The following SLC9A9 variants were observed in gnomAD, a reference collection of about 807,000 sequenced individuals.
SLC9A9 encodes sodium/hydrogen exchanger 9.
SLC9A9 carries 62 observed loss-of-function variants against 77.8 expected under a neutral mutation model. That is an observed-to-expected ratio of 0.80 (90% CI 0.65 to 0.98). SLC9A9 has a LOEUF of 0.98. Ranked by LOEUF, SLC9A9 falls within the 50% of genes least tolerant of loss-of-function variation. The pLI is 0.00. For synonymous variants in SLC9A9, 320 were observed against 283.5 expected (o/e 1.13, Z -1.29); for missense variants, 775 against 774.9 (o/e 1.00, Z 0.00).
intron 13 of SLC9A9, among the ~76,000 whole-genome samples, chr3:143,373,605 TAAAAAAAAA>T (rs67376157): frequency 1.7e-5 from 1 of 58,624 alleles, no homozygotes; most frequent in Non-Finnish European, 3.1e-5. Flanking sequence ...ACTGAAATAG[TAAAAAAAAA>T]AAAAAAAAAA....
chr3:143,731,373 T>C (rs1323919151), intron 4 of SLC9A9, among the ~76,000 whole-genome samples: 1 of 152,192 alleles, frequency 6.6e-6, no homozygotes, highest in Non-Finnish European at 1.5e-5. Flanking sequence ...GAGTTTGAAC[T>C]CTACTGCTCC....
chr3:143,608,240 G>A (rs527462165), intron 6 of SLC9A9, among the ~76,000 whole-genome samples: 1 of 152,212 alleles, frequency 6.6e-6, no homozygotes, highest in East Asian at 1.9e-4. Flanking sequence ...CTCTACTGAG[G>A]GTGCTGAAAA....
At chr3:143,836,192 C>G (rs533968597) in intron 1 of SLC9A9, among the ~76,000 whole-genome samples, 1 of 152,374 alleles carries the variant, frequency 6.6e-6, no homozygotes, top group South Asian at 2.1e-4. Context: ...ACTCCTTCAT[C>G]TTTGCATTCT....
At chr3:143,274,291 A>G (rs896622632) in intron 14 of SLC9A9, among the ~76,000 whole-genome samples, 1 of 152,184 alleles carries the variant, frequency 6.6e-6, no homozygotes, top group Non-Finnish European at 1.5e-5. Context: ...ACACCCTTTC[A>G]TTGATATAGC....
At chr3:143,492,613 C>T (rs1262379909) in intron 11 of SLC9A9, among the ~76,000 whole-genome samples, 1 of 152,176 alleles carries the variant, frequency 6.6e-6, no homozygotes, top group Non-Finnish European at 1.5e-5. Context: ...TTCAAGAATA[C>T]ATTTGTTCTT....
intron 12 of SLC9A9, among the ~76,000 whole-genome samples, chr3:143,424,510 C>A (rs1163555644): frequency 6.6e-6 from 1 of 151,864 alleles, no homozygotes; most frequent in Non-Finnish European, 1.5e-5. Context: ...ATCTCCTGAC[C>A]TCATGATCCA....
chr3:143,516,285 A>G (rs2036201903), intron 9 of SLC9A9, among the ~76,000 whole-genome samples: 2 of 145,842 alleles, frequency 1.4e-5, no homozygotes, highest in Non-Finnish European at 1.5e-5. Flanking sequence ...TTGTCTTTTC[A>G]GTGAAACACT....
At chr3:143,777,387 A>G (rs1049134372) in intron 4 of SLC9A9, among the ~76,000 whole-genome samples, 1 of 152,026 alleles carries the variant, frequency 6.6e-6, no homozygotes, top group African/African-American at 2.4e-5. Context: ...TTTTATGAAA[A>G]ACTCCCTTCT....
chr3:143,725,061 A>C (rs1323948113), intron 4 of SLC9A9, among the ~76,000 whole-genome samples: 1 of 152,118 alleles, frequency 6.6e-6, no homozygotes, highest in Non-Finnish European at 1.5e-5. Context: ...TACATCCTCC[A>C]GACTTGAGTA....
chr3:143,704,186 A>G (rs932511938), intron 4 of SLC9A9, among the ~76,000 whole-genome samples: 26 of 152,222 alleles, frequency 1.7e-4, no homozygotes, highest in African/African-American at 6.3e-4. Context: ...ATTCTGAAAA[A>G]TAGAGGAGAA....
chr3:143,292,603 A>C (rs943027433), intron 14 of SLC9A9, among the ~76,000 whole-genome samples: 5 of 152,050 alleles, frequency 3.3e-5, no homozygotes, highest in African/African-American at 1.2e-4. Context: ...CTATAAAACG[A>C]GGTGTGTGGA....
intron 5 of SLC9A9, among the ~76,000 whole-genome samples, chr3:143,680,405 A>G (rs1933048816): frequency 6.6e-6 from 1 of 152,196 alleles, no homozygotes; most frequent in Non-Finnish European, 1.5e-5. Context: ...TACTCCATGA[A>G]AAAAATCTAG....
intron 4 of SLC9A9, among the ~76,000 whole-genome samples, chr3:143,769,705 C>T (rs773472218): frequency 6.6e-5 from 10 of 152,122 alleles, no homozygotes; most frequent in Non-Finnish European, 1.3e-4. Flanking sequence ...TGACCTGAAA[C>T]ATTAATATCC....
chr3:143,400,012 GATAAGGCATACT>G (rs1378511386), intron 12 of SLC9A9, among the ~76,000 whole-genome samples: 3 of 152,138 alleles, frequency 2.0e-5, no homozygotes, highest in Admixed American at 1.3e-4. Context: ...TGTAGTTCAT[GATAAGGCATACT>G]ATTACTTTAT....
chr3:143,427,025 TG>T (rs1332787831), intron 12 of SLC9A9, among the ~76,000 whole-genome samples: 4 of 152,356 alleles, frequency 2.6e-5, no homozygotes, highest in African/African-American at 9.6e-5. Flanking sequence ...TTATTGTGAC[TG>T]TTAAAGCAAG....
At chr3:143,415,422 T>C (rs1298871347) in intron 12 of SLC9A9, among the ~76,000 whole-genome samples, 1 of 152,204 alleles carries the variant, frequency 6.6e-6, no homozygotes, top group Non-Finnish European at 1.5e-5. Flanking sequence ...ATGCAGCCAG[T>C]GTCTTTAAGT....
intron 1 of SLC9A9, among the ~76,000 whole-genome samples, chr3:143,843,216 G>A (rs1348100076): frequency 6.6e-6 from 1 of 152,176 alleles, no homozygotes; most frequent in Non-Finnish European, 1.5e-5. Context: ...TGGCAGTCAG[G>A]GAGGCTGGGC....
chr3:143,613,871 G>A (rs2038061565), intron 6 of SLC9A9, among the ~76,000 whole-genome samples: 1 of 151,856 alleles, frequency 6.6e-6, no homozygotes, highest in Admixed American at 6.6e-5. Flanking sequence ...TCTTTCATAT[G>A]AAATTAAAAT....
chr3:143,389,975 G>A (rs2033519303), intron 12 of SLC9A9, among the ~76,000 whole-genome samples: 1 of 152,204 alleles, frequency 6.6e-6, no homozygotes, highest in Non-Finnish European at 1.5e-5. Context: ...ATGCTGCTGA[G>A]AGCAGTGGTG....
Sources: gnomAD v4.1 joint callset for allele counts (sites outside exome capture counted in the v4.1 genomes callset) on GRCh38, gnomAD v4.1.1 for gene constraint, MANE v1.5 for transcripts, NCBI Gene and HGNC (gene_info 2026-07-23, HGNC 2026-07-21) for gene names.